Variants in FLVCR1 observed in about 807,000 individuals in gnomAD.
FLVCR1 encodes the protein FLVCR choline and heme transporter 1, also known as choline/ethanolamine transporter FLVCR1.
In FLVCR1, 34 loss-of-function variants were observed where a neutral mutation model predicts 53.6. That is an observed-to-expected ratio of 0.63 (90% CI 0.48 to 0.84). The LOEUF is 0.84. FLVCR1 is among the 40% of genes least tolerant of loss of function. The pLI, the probability that FLVCR1 is intolerant of heterozygous loss-of-function variation, is 0.00. For missense variants in FLVCR1, 677 were observed against 696.7 expected (o/e 0.97, Z 0.32); for synonymous variants, 300 against 286.3 (o/e 1.05, Z -0.48).
At chr1:212,891,370 G>T (rs925857263) in intron 8 of FLVCR1, among the ~76,000 whole-genome samples, 1 of 135,942 alleles carries the variant, frequency 7.4e-6, no homozygotes, top group South Asian at 2.5e-4. Context: ...CTTGAATCCG[G>T]GAGGCGGAGG....
At chr1:212,878,533 CAA>C (rs58243050) in intron 3 of FLVCR1, among the ~76,000 whole-genome samples, 22,955 of 111,668 alleles carry the variant, frequency 0.21, 1,639 homozygotes, top group East Asian at 0.38. Context: ...GTCTCCGTCT[CAA>C]AAAAAAAAAA....
intron 1 of FLVCR1, among the ~76,000 whole-genome samples, chr1:212,861,785 T>C (rs1664247758): frequency 1.3e-5 from 2 of 152,108 alleles, no homozygotes; most frequent in Admixed American, 1.3e-4. Flanking sequence ...TTCTCCTGCC[T>C]CAGCCTCCCG....
At chr1:212,869,460 A>G (rs1310513383) in intron 2 of FLVCR1, among the ~76,000 whole-genome samples, 3 of 152,206 alleles carry the variant, frequency 2.0e-5, no homozygotes, top group African/African-American at 7.2e-5. Context: ...TTGCCAAAAG[A>G]TAGTTTGACT....
intron 3 of FLVCR1, among the ~76,000 whole-genome samples, chr1:212,876,265 T>G (rs773419101): frequency 6.6e-6 from 1 of 152,160 alleles, no homozygotes; most frequent in Non-Finnish European, 1.5e-5. Context: ...CCGCTCCCAC[T>G]TATAAGTGAG....
At chr1:212,866,782 T>C (rs1010667915) in intron 2 of FLVCR1, among the ~76,000 whole-genome samples, 1 of 152,194 alleles carries the variant, frequency 6.6e-6, no homozygotes, top group African/African-American at 2.4e-5. Flanking sequence ...ATGGGAAATA[T>C]GGCATTAAAC....
intron 3 of FLVCR1, among the ~76,000 whole-genome samples, chr1:212,875,361 A>T (rs1664724274): frequency 6.6e-6 from 1 of 152,224 alleles, no homozygotes; most frequent in African/African-American, 2.4e-5. Context: ...GGATAAATGA[A>T]GGGAAGCCCT....
At chr1:212,890,182 A>G (rs1306154856) in intron 8 of FLVCR1, among the ~76,000 whole-genome samples, 1 of 152,248 alleles carries the variant, frequency 6.6e-6, no homozygotes, top group African/African-American at 2.4e-5. Context: ...TAGTTTGCCC[A>G]TGCACATGGG....
In FLVCR1 at chr1:212,896,545, T is replaced by C. The variant is rs1381152133; in HGVS notation, c.*1255T>C. 6.6e-6 allele frequency: 1 copy of C among 152,152 alleles called. No homozygotes were observed. Among genetic ancestry groups the C allele is most frequent in the African/African-American group, 2.4e-5 (1 of 41,428 alleles). The allele number at this position is 152,152 out of a possible 1,614,324, so 9.4% of individuals were successfully genotyped here. On this transcript the variant is annotated 3_prime_UTR_variant, in exon 10 of 10. Coordinates refer to ENST00000366971, the MANE Select transcript of FLVCR1 (RefSeq NM_014053.4). Reference sequence around the variant, plus strand: ...GTTTACAGTGAGAGTTTAAATATTGTTGATGTCCTGACTCTGTGAGCTCAT... The same window carrying C: ...GTTTACAGTGAGAGTTTAAATATTGCTGATGTCCTGACTCTGTGAGCTCAT...
At chr1:212,876,183 C>T (rs1331326845) in intron 3 of FLVCR1, among the ~76,000 whole-genome samples, 1 of 151,978 alleles carries the variant, frequency 6.6e-6, no homozygotes, top group Non-Finnish European at 1.5e-5. Flanking sequence ...TCTTCCTCCC[C>T]CAAACCCCAA....
In FLVCR1 at chr1:212,895,541, T is replaced by C. The variant is rs1665311537; in HGVS notation, c.*251T>C. On this transcript the variant is annotated 3_prime_UTR_variant, in exon 10 of 10. Transcript: ENST00000366971. ...TATCTAATTAGTATCCGGTTTTTAGTCTCATATTGTATCTGAAAGTAAGCT... is the reference window on the plus strand; with the variant it reads ...TATCTAATTAGTATCCGGTTTTTAGCCTCATATTGTATCTGAAAGTAAGCT... The C allele has an allele frequency of 6.1e-6, 3 of 491,504 alleles. No homozygotes were observed. Among genetic ancestry groups the C allele is most frequent in the East Asian group, 7.6e-5 (2 of 26,450 alleles). 30.4% of individuals were successfully genotyped at this position (491,504 alleles called of 1,614,324 possible).
intron 8 of FLVCR1, 145 bp from the exon 9 acceptor site, chr1:212,894,841 A>G (rs567198121): frequency 5.7e-6 from 4 of 705,776 alleles, no homozygotes; most frequent in African/African-American, 3.5e-5. Context: ...GAGAGGTACT[A>G]TTATTTTTTA....
intron 2 of FLVCR1, among the ~76,000 whole-genome samples, chr1:212,865,393 T>C (rs915936967): frequency 4.0e-5 from 6 of 151,678 alleles, no homozygotes; most frequent in Admixed American, 6.6e-5. Flanking sequence ...ACACCACAAT[T>C]CTTAAGTCTG....
At chr1:212,868,788 T>C (rs915432542) in intron 2 of FLVCR1, among the ~76,000 whole-genome samples, 1 of 152,250 alleles carries the variant, frequency 6.6e-6, no homozygotes. Context: ...CTGATTTTTT[T>C]AAATAAATAT....
intron 5 of FLVCR1, 90 bp downstream of exon 5, chr1:212,885,486 CATGTT>C: frequency 1.2e-6 from 1 of 800,146 alleles, no homozygotes; most frequent in Non-Finnish European, 2.1e-6. Context: ...AAATTTAAAA[CATGTT>C]ATTACTTAAA....
intron 3 of FLVCR1, among the ~76,000 whole-genome samples, chr1:212,877,879 T>G (rs922126704): frequency 1.2e-4 from 19 of 152,162 alleles, no homozygotes; most frequent in Admixed American, 9.8e-4. Flanking sequence ...ATCACTTCTG[T>G]TCAACATCTA....
intron 2 of FLVCR1, among the ~76,000 whole-genome samples, chr1:212,865,017 G>A (rs1190438060): frequency 1.3e-5 from 2 of 151,914 alleles, no homozygotes; most frequent in Non-Finnish European, 2.9e-5. Flanking sequence ...AGTTAGTTAT[G>A]GAGTGGCATA....
At chr1:212,869,756 C>T (rs1664543648) in intron 2 of FLVCR1, among the ~76,000 whole-genome samples, 1 of 152,206 alleles carries the variant, frequency 6.6e-6, no homozygotes, top group South Asian at 2.1e-4. Flanking sequence ...GGCTGGTCTC[C>T]AACTCTTGAC....
At chr1:212,884,715 G>T (rs1665016188) in intron 4 of FLVCR1, among the ~76,000 whole-genome samples, 1 of 152,152 alleles carries the variant, frequency 6.6e-6, no homozygotes, top group Non-Finnish European at 1.5e-5. Context: ...CAATTTCATT[G>T]TTGTGTGAAT....
rs547159532 is a variant in FLVCR1, at chr1:212,896,245, T to C, written c.*955T>C. On this transcript the variant is annotated 3_prime_UTR_variant, in exon 10 of 10. Coordinates refer to ENST00000366971, the MANE Select transcript of FLVCR1 (RefSeq NM_014053.4). ...TCGTATATTTTGCCTTGAAGATTCC[T>C]GAAATAAGGAAATCTATAATAACTT... 6.6e-6 allele frequency: 1 copy of C among 152,270 alleles called. No homozygotes were observed. The highest frequency in any genetic ancestry group is 1.5e-5 in the Non-Finnish European group (1 of 68,018). 9.4% of individuals were successfully genotyped at this position (152,270 alleles called of 1,614,324 possible).
Sources: allele counts gnomAD v4.1 joint callset (sites outside exome capture counted in the v4.1 genomes callset), GRCh38; gene constraint gnomAD v4.1.1; transcripts MANE v1.5; gene names NCBI Gene and HGNC (gene_info 2026-07-23, HGNC 2026-07-21).